CNTN6: variants seen among roughly 807,000 people sequenced by gnomAD.
CNTN6 encodes contactin-6.
Under a neutral mutation model 122.8 loss-of-function variants are expected in CNTN6, and 137 were observed. That is an observed-to-expected ratio of 1.12 (90% CI 0.97 to 1.29). CNTN6 has a LOEUF of 1.29. Among genes scored for constraint, CNTN6 ranks in the 50% most tolerant of loss-of-function variants. The pLI, the probability that CNTN6 is intolerant of heterozygous loss-of-function variation, is 0.00. For missense variants in CNTN6, 1,634 were observed against 1,223.4 expected (o/e 1.34, Z -5.01); for synonymous variants, 570 against 426.0 (o/e 1.34, Z -4.16).
chr3:1,128,729 T>C (rs2092249415), intron 1 of CNTN6, among the ~76,000 whole-genome samples: 1 of 152,004 alleles, frequency 6.6e-6, no homozygotes, highest in Non-Finnish European at 1.5e-5. Context: ...TGCATATATT[T>C]ATTTACAGAG....
chr3:1,285,801 G>C (rs1043674847), intron 5 of CNTN6, among the ~76,000 whole-genome samples: 1 of 152,180 alleles, frequency 6.6e-6, no homozygotes, highest in African/African-American at 2.4e-5. Flanking sequence ...TGGTCCAGAA[G>C]AGACACTTAA....
chr3:1,383,019 G>C lies in CNTN6; in HGVS notation c.2244G>C (p.Trp748Cys). 1 of 1,614,100 alleles carries C rather than the reference G, an allele frequency of 6.2e-7. No individual in the cohort carries two copies. Among genetic ancestry groups the C allele is most frequent in the Non-Finnish European group, 8.5e-7 (1 of 1,179,964 alleles). The change falls in exon 18 of 23, where the codon TGG (tryptophan) becomes TGC (cysteine). Residue 748 changes from tryptophan to cysteine, a missense_variant. Transcript: ENST00000446702. ...IMFRPVGSTTWSKEKVSSVES... is the reference protein window; with the variant it reads ...IMFRPVGSTTCSKEKVSSVES... ...TCCGGCCAGTGGGCTCGACAACCTG[G>C]TCCAAGGAGAAAGTGTCATCTGTGG...
Position 1,377,007 on chromosome 3 carries a change from C to G in CNTN6, c.2098C>G (p.Pro700Ala), listed in dbSNP as rs746952747. 108 of 1,584,176 alleles carry G rather than the reference C, an allele frequency of 6.8e-5. No individual in the cohort carries two copies. The highest frequency in any genetic ancestry group is 8.7e-5 in the Non-Finnish European group (101 of 1,163,310). The change falls in exon 17 of 23, where the codon CCT becomes GCT. Residue 700 changes from proline (P) to alanine (A), a missense_variant and splice_region_variant. By Grantham distance (27) the Pro-to-Ala change is conservative (BLOSUM62 -1). Transcript: ENST00000446702. ...ACATTTCTCTTGGTTATTTTTAGTC[C>G]CTGTTGTGGCACCAGTAAACATCCA... ...SELLRTKASV[P>A]VVAPVNIHGG...
chr3:1,153,563 A>C (rs957342686), intron 2 of CNTN6, among the ~76,000 whole-genome samples: 1 of 152,204 alleles, frequency 6.6e-6, no homozygotes, highest in Non-Finnish European at 1.5e-5. Context: ...TACATAGCTT[A>C]CTTCTTTATA....
intron 4 of CNTN6, among the ~76,000 whole-genome samples, chr3:1,268,444 A>G (rs1221076965): frequency 6.6e-6 from 1 of 151,888 alleles, no homozygotes; most frequent in Non-Finnish European, 1.5e-5. Context: ...CGTCTCTACT[A>G]AAAATATAAA....
At chr3:1,139,400 T>C (rs2125131746) in intron 1 of CNTN6, among the ~76,000 whole-genome samples, 1 of 152,240 alleles carries the variant, frequency 6.6e-6, no homozygotes, top group Non-Finnish European at 1.5e-5. Context: ...TTCTTGCTTC[T>C]AGAGGACAAA....
chr3:1,393,055 G>T (rs2126231393), intron 20 of CNTN6, among the ~76,000 whole-genome samples: 2 of 42,850 alleles, frequency 4.7e-5, no homozygotes, highest in African/African-American at 7.8e-5. Flanking sequence ...TCCCATTACT[G>T]GGTATATACC....
At chr3:1,181,423 A>C (rs957108613) in intron 2 of CNTN6, among the ~76,000 whole-genome samples, 2 of 152,152 alleles carry the variant, frequency 1.3e-5, no homozygotes, top group Non-Finnish European at 2.9e-5. Flanking sequence ...TATTATTCCA[A>C]ATCTTAGGGG....
intron 2 of CNTN6, among the ~76,000 whole-genome samples, chr3:1,161,491 A>G (rs2093131403): frequency 1.3e-5 from 2 of 151,726 alleles, no homozygotes; most frequent in East Asian, 1.9e-4. Flanking sequence ...TGGGCTACAC[A>G]TCACATCCAT....
chr3:1,200,363 A>T lies in CNTN6; in HGVS notation c.56-20324A>T, dbSNP rs549237819. On this transcript the variant is annotated intron_variant, in intron 2 of 22. Transcript: ENST00000446702. ...ATGTATTTTTAATTCAGCTCTTTGG[A>T]GAGCTGCATCTACTGAGCACTGCGT... Among the ~76,000 whole-genome samples the T allele has an allele frequency of 5.9e-5, 9 of 152,260 alleles. No homozygotes were observed. The South Asian group carries it at 1.7e-3, about 28-fold the overall frequency.
chr3:1,234,384 A>G (rs2094395689), intron 4 of CNTN6, among the ~76,000 whole-genome samples: 1 of 152,182 alleles, frequency 6.6e-6, no homozygotes, highest in South Asian at 2.1e-4. Flanking sequence ...TCTTTTGACC[A>G]GGGTCTTATA....
chr3:1,139,348 C>A (rs9841911), intron 1 of CNTN6, among the ~76,000 whole-genome samples: 2 of 151,814 alleles, frequency 1.3e-5, no homozygotes, highest in African/African-American at 4.8e-5. Context: ...TGTACTAAAC[C>A]GCACTGAAAG....
intron 2 of CNTN6, among the ~76,000 whole-genome samples, chr3:1,149,808 A>T (rs924403102): frequency 4.6e-5 from 7 of 152,172 alleles, no homozygotes; most frequent in South Asian, 2.1e-4. Context: ...AAAATTCAAC[A>T]TTAACATTTT....
chr3:1,393,330 T>C, intron 20 of CNTN6, among the ~76,000 whole-genome samples: 1 of 111,242 alleles, frequency 9.0e-6, no homozygotes, highest in South Asian at 3.5e-4. Context: ...CACTGCATAT[T>C]CTCACTCATA....
chr3:1,171,602 C>T (rs1170768086), intron 2 of CNTN6, among the ~76,000 whole-genome samples: 1 of 152,142 alleles, frequency 6.6e-6, no homozygotes, highest in Non-Finnish European at 1.5e-5. Context: ...CGATTGAGAA[C>T]CACTGCTCTA....
chr3:1,287,052 A>G (rs1350093374), intron 5 of CNTN6, among the ~76,000 whole-genome samples: 2 of 152,154 alleles, frequency 1.3e-5, no homozygotes, highest in African/African-American at 2.4e-5. Context: ...CCAATACAGG[A>G]GCACCCAGAT....
At chr3:1,312,024 A>G (rs1699403983) in intron 7 of CNTN6, among the ~76,000 whole-genome samples, 1 of 152,146 alleles carries the variant, frequency 6.6e-6, no homozygotes, top group East Asian at 1.9e-4. Flanking sequence ...CTTCCTAAGT[A>G]TATTTTTAGA....
chr3:1,354,596 G>C (rs1308030281), intron 12 of CNTN6, among the ~76,000 whole-genome samples: 1 of 151,476 alleles, frequency 6.6e-6, no homozygotes, highest in East Asian at 1.9e-4. Flanking sequence ...GAAGCATAAA[G>C]AGGGCAGGGA....
At chr3:1,122,880 G>T (rs1183138265) in intron 1 of CNTN6, among the ~76,000 whole-genome samples, 1 of 151,756 alleles carries the variant, frequency 6.6e-6, no homozygotes, top group Non-Finnish European at 1.5e-5. Context: ...TGGCTATTTT[G>T]AATGTGCTAC....
Sources: gnomAD v4.1 joint callset for allele counts (sites outside exome capture counted in the v4.1 genomes callset) on GRCh38, gnomAD v4.1.1 for gene constraint, MANE v1.5 for transcripts, NCBI Gene and HGNC (gene_info 2026-07-23, HGNC 2026-07-21) for gene names.